TRIO: variants seen among roughly 807,000 people sequenced by gnomAD.
The protein encoded by TRIO is triple functional domain protein.
Under a neutral mutation model 351.9 loss-of-function variants are expected in TRIO, and 58 were observed. That is an observed-to-expected ratio of 0.16 (90% CI 0.13 to 0.21). The LOEUF (loss-of-function observed/expected upper bound fraction) is 0.21, where lower values mean the gene tolerates loss of function less well. TRIO is among the 10% of genes least tolerant of loss of function. The pLI is 1.00. For synonymous variants in TRIO, 1,758 were observed against 1,595.7 expected, an observed-to-expected ratio of 1.10 and a Z score of -2.42; for missense variants, 3,201 against 4,027.8, an observed-to-expected ratio of 0.79 and a Z score of 5.56.
chr5:14,296,255 T>G (rs762097400), intron 6 of TRIO, among the ~76,000 whole-genome samples: 5 of 151,906 alleles, frequency 3.3e-5, no homozygotes, highest in Non-Finnish European at 7.4e-5. Flanking sequence ...GTGGTAACAG[T>G]GAAAAAAATA....
At chr5:14,295,986 G>T (rs1244714692) in intron 6 of TRIO, among the ~76,000 whole-genome samples, 2 of 152,194 alleles carry the variant, frequency 1.3e-5, no homozygotes, top group Admixed American at 6.5e-5. Flanking sequence ...AATGAAAGAA[G>T]ATACAAAGAA....
chr5:14,250,705 C>A (rs777405088), intron 1 of TRIO, among the ~76,000 whole-genome samples: 3 of 152,116 alleles, frequency 2.0e-5, no homozygotes, highest in Admixed American at 6.5e-5. Flanking sequence ...AGAAGCACAT[C>A]CTTTTCAAGG....
chr5:14,200,198 G>T (rs2152170518), intron 1 of TRIO, among the ~76,000 whole-genome samples: 1 of 152,148 alleles, frequency 6.6e-6, no homozygotes, highest in African/African-American at 2.4e-5. Context: ...GCCGTGCCCT[G>T]CCCCTCCCCT....
chr5:14,148,128 T>G (rs757482102), intron 1 of TRIO, among the ~76,000 whole-genome samples: 1 of 152,224 alleles, frequency 6.6e-6, no homozygotes, highest in Non-Finnish European at 1.5e-5. Context: ...ATTTAACTAT[T>G]TAAGATTCAA....
chr5:14,361,546 C>T lies in TRIO; in HGVS notation c.2391+2015C>T, dbSNP rs561309854. Among the ~76,000 whole-genome samples the T allele has an allele frequency of 1.7e-4, 26 of 152,316 alleles. No individual in the cohort carries two copies. The South Asian group carries it at 5.4e-3, about 32-fold the overall frequency. Reference sequence around the variant, plus strand: ...GCTTTGGCCAGGTTTCCTCTGTTATCCAGGAAGATGCCACATCTGACGGCC... The same window carrying T: ...GCTTTGGCCAGGTTTCCTCTGTTATTCAGGAAGATGCCACATCTGACGGCC... On this transcript the variant is annotated intron_variant, in intron 13 of 56. Transcript: ENST00000344204.
In TRIO at chr5:14,390,369, G is replaced by A. The variant is rs1030230274; in HGVS notation, c.4128+69G>A. 4 of 1,441,214 alleles carry A rather than the reference G, an allele frequency of 2.8e-6. No homozygotes were observed. The African/African-American group carries it at 5.7e-5, about 20-fold the overall frequency. The allele number at this position is 1,441,214 out of a possible 1,614,324, so 89.3% of individuals were successfully genotyped here. A position where few individuals can be genotyped will look rare whatever the true frequency, so the allele number is the denominator to read the frequency against. On this transcript the variant is annotated intron_variant, in intron 26 of 56. Transcript: ENST00000344204. ...ACGTTGAAGGAAGTTAGGAGGGATG[G>A]TCTTCATTTCCTTTAAGTCACCATC... is the stretch of plus-strand genomic sequence containing the variant.
In TRIO at chr5:14,151,508, C is replaced by T. The variant is rs79619152; in HGVS notation, c.157+7626C>T. ...TCAGTGCAAGAATGAATGAATATAT[C>T]GGAGACTAATACTTGAAATCTATTT... is the stretch of plus-strand genomic sequence containing the variant. On this transcript the variant is annotated intron_variant, in intron 1 of 56. Coordinates refer to ENST00000344204, the MANE Select transcript of TRIO (RefSeq NM_007118.4). Among the ~76,000 whole-genome samples, 391 of 152,108 alleles carry T rather than the reference C, an allele frequency of 2.6e-3. 11 individuals carry two copies. The East Asian group carries it at 0.068, about 27-fold the overall frequency.
intron 53 of TRIO, 197 bp downstream of exon 53, chr5:14,498,837 C>G: frequency 6.9e-6 from 5 of 719,872 alleles, no homozygotes; most frequent in Non-Finnish European, 1.0e-5. Context: ...CCTCTCGGCA[C>G]CTTATGTAAA....
In TRIO at chr5:14,479,252, T is replaced by C. The variant is rs758672416; in HGVS notation, c.6154-9T>C. Reference sequence around the variant, plus strand: ...TTATAACCCAACTGTTTGCCTTTTTTATTCCTAGGAGAGAAGGTTGCACAT... The same window carrying C: ...TTATAACCCAACTGTTTGCCTTTTTCATTCCTAGGAGAGAAGGTTGCACAT... On this transcript the variant is annotated splice_polypyrimidine_tract_variant and intron_variant, in intron 41 of 56. Coordinates refer to ENST00000344204, the MANE Select transcript of TRIO (RefSeq NM_007118.4). 6.2e-7 allele frequency: 1 copy of C among 1,612,824 alleles called. No individual in the cohort carries two copies. The highest frequency in any genetic ancestry group is 8.5e-7 in the Non-Finnish European group (1 of 1,178,994).
intron 48 of TRIO, chr5:14,488,467 GAGCAAGCCGATC>G (rs1756216270): frequency 3.0e-6 from 2 of 668,136 alleles, no homozygotes; most frequent in Non-Finnish European, 4.8e-6. Context: ...CTTCTAATAA[GAGCAAGCCGATC>G]ATTAACCTTC....
At chr5:14,489,314 T>C in intron 48 of TRIO, 1 of 407,700 alleles carries the variant, frequency 2.5e-6, no homozygotes, top group Non-Finnish European at 4.4e-6. Flanking sequence ...CAAATGGGTC[T>C]TGATACATTT....
chr5:14,377,060 A>C (rs1358401656), intron 19 of TRIO, among the ~76,000 whole-genome samples: 1 of 151,838 alleles, frequency 6.6e-6, no homozygotes, highest in Non-Finnish European at 1.5e-5. Context: ...ATTCTATGTC[A>C]TATGTTCCCA....
chr5:14,176,856 T>G (rs1023930439), intron 1 of TRIO, among the ~76,000 whole-genome samples: 1 of 152,262 alleles, frequency 6.6e-6, no homozygotes, highest in African/African-American at 2.4e-5. Context: ...TAATTTTTCT[T>G]AAGTCACAGG....
intron 1 of TRIO, among the ~76,000 whole-genome samples, chr5:14,188,282 A>T (rs1790244330): frequency 6.6e-6 from 1 of 152,178 alleles, no homozygotes; most frequent in South Asian, 2.1e-4. Flanking sequence ...GCTGCCATGT[A>T]TTGTTCTCAT....
intron 11 of TRIO, among the ~76,000 whole-genome samples, chr5:14,338,801 C>G (rs1020389711): frequency 2.6e-5 from 4 of 152,030 alleles, no homozygotes; most frequent in South Asian, 2.1e-4. Context: ...GAGGCCAAAT[C>G]GAGAGGAAGG....
chr5:14,450,197 T>C (rs940262492), intron 34 of TRIO, among the ~76,000 whole-genome samples: 17 of 152,196 alleles, frequency 1.1e-4, no homozygotes, highest in African/African-American at 4.1e-4. Flanking sequence ...CTCCTCACTC[T>C]TGAGTGGTGA....
chr5:14,508,288 A>C lies in TRIO; in HGVS notation c.9160A>C (p.Asn3054His). Residue 3054 changes from asparagine (N) to histidine (H), a missense_variant, in exon 57 of 57, where the codon AAC (asparagine) becomes CAC (histidine). Physicochemically the swap from Asn to His is moderately conservative, Grantham distance 68. Around this residue, in one of 19 missense-constraint regions of TRIO, gnomAD observed 233 missense variants for 292.6 expected, o/e 0.80. Coordinates refer to ENST00000344204, the MANE Select transcript of TRIO (RefSeq NM_007118.4). The stretch of plus-strand genomic sequence containing the variant: ...CCAGGAGCAGTGGCTGCAGGCCGGC[A>C]ACGGCAGAAGCACGGGCGTCCTCGA... ...ALQEQWLQAG[N>H]GRSTGVLDTS... The C allele has an allele frequency of 6.2e-7, 1 of 1,613,904 alleles. No individual in the cohort carries two copies.
rs1036308877 is a variant in TRIO, at chr5:14,496,969, C to A, written c.7971C>A (p.Asn2657Lys). Residue 2657 changes from asparagine to lysine, a missense_variant, in exon 50 of 57, where the codon AAC becomes AAA. Transcript: ENST00000344204. ...KDGKREGKLE[N>K]GYRKSREGLS... ...GCAAAAGGGAAGGCAAGTTAGAGAA[C>A]GGTTATCGGAAGTCACGGGAAGGAC... The A allele has an allele frequency of 6.2e-7, 1 of 1,614,156 alleles. No individual in the cohort carries two copies. Among genetic ancestry groups the A allele is most frequent in the Non-Finnish European group, 8.5e-7 (1 of 1,180,030 alleles).
chr5:14,374,303 A>C lies in TRIO; in HGVS notation c.3291A>C (p.Gly1097=), dbSNP rs1339409146. Residue 1097 remains glycine (G), a synonymous_variant, in exon 19 of 57, where the codon GGA becomes GGC. Transcript: ENST00000344204. The part of the protein sequence containing the change: ...YLHRNSVNMP[G]MVTHIKAPEQ... ...ACAGGAACAGCGTGAACATGCCAGG[A>C]ATGGTGACGCACATCAAAGCTCCTG... 1 of 1,613,510 alleles carries C rather than the reference A, an allele frequency of 6.2e-7. No homozygotes were observed. Among genetic ancestry groups the C allele is most frequent in the African/African-American group, 1.3e-5 (1 of 74,900 alleles).
Sources: gnomAD v4.1 joint callset for allele counts (sites outside exome capture counted in the v4.1 genomes callset) on GRCh38, gnomAD v4.1.1 for gene constraint, gnomAD v4.1.1 regional missense constraint, MANE v1.5 for transcripts, NCBI Gene and HGNC (gene_info 2026-07-23, HGNC 2026-07-21) for gene names.